Variants in ALDH1L2 observed in about 807,000 individuals in gnomAD.
ALDH1L2 encodes the protein aldehyde dehydrogenase 1 family member L2.
In ALDH1L2, 91 loss-of-function variants were observed where a neutral mutation model predicts 111.0. The ratio of observed to expected loss-of-function variants is 0.82; its 90% confidence interval spans 0.69 to 0.98. The LOEUF is 0.98. ALDH1L2 is among the 50% of genes least tolerant of loss of function. The pLI is 0.00. For missense variants in ALDH1L2, 995 were observed against 1,126.8 expected, an observed-to-expected ratio of 0.88 and a Z score of 1.67; for synonymous variants, 374 against 392.6, an observed-to-expected ratio of 0.95 and a Z score of 0.56.
intron 15 of ALDH1L2, among the ~76,000 whole-genome samples, chr12:105,045,744 A>G (rs544225118): frequency 1.3e-5 from 2 of 152,312 alleles, no homozygotes; most frequent in South Asian, 4.1e-4. Flanking sequence ...TGGCCACATG[A>G]CCATGTAGCT....
chr12:105,055,186 T>C (rs1876537463), intron 10 of ALDH1L2, among the ~76,000 whole-genome samples: 1 of 152,088 alleles, frequency 6.6e-6, no homozygotes, highest in African/African-American at 2.4e-5. Flanking sequence ...TAAGGCAGAA[T>C]TGTAAACTGC....
chr12:105,075,244 G>A (rs570146251), intron 1 of ALDH1L2, among the ~76,000 whole-genome samples: 1 of 152,342 alleles, frequency 6.6e-6, no homozygotes, highest in South Asian at 2.1e-4. Flanking sequence ...CTGGTTATTT[G>A]GAGTTCAATT....
intron 1 of ALDH1L2, among the ~76,000 whole-genome samples, chr12:105,074,505 A>C (rs1353533078): frequency 6.6e-6 from 1 of 151,070 alleles, no homozygotes; most frequent in East Asian, 1.9e-4. Flanking sequence ...GAAAGAAAGA[A>C]AGAGGGTAAT....
intron 18 of ALDH1L2, among the ~76,000 whole-genome samples, chr12:105,036,163 A>AT: frequency 3.5e-5 from 2 of 56,408 alleles, no homozygotes; most frequent in Admixed American, 2.3e-4. Context: ...TGTATATAAT[A>AT]TATACACGTA....
At chr12:105,025,824 C>T (rs1874380863) in intron 22 of ALDH1L2, among the ~76,000 whole-genome samples, 1 of 152,204 alleles carries the variant, frequency 6.6e-6, no homozygotes, top group South Asian at 2.1e-4. Context: ...CAGTGCCTGG[C>T]TCTGTGACTT....
At chr12:105,029,098 C>T (rs1007402652) in intron 21 of ALDH1L2, among the ~76,000 whole-genome samples, 1 of 150,102 alleles carries the variant, frequency 6.7e-6, no homozygotes, top group Admixed American at 6.7e-5. Context: ...ACAATCATAG[C>T]TCACTGCAGC....
At chr12:105,052,677 G>A in intron 11 of ALDH1L2, 135 bp downstream of exon 11, 1 of 1,046,668 alleles carries the variant, frequency 9.6e-7, no homozygotes, top group South Asian at 1.7e-5. Context: ...AGAAAAGCAT[G>A]AAGTACATTT....
intron 6 of ALDH1L2, 116 bp from the exon 7 acceptor site, chr12:105,063,138 A>G: frequency 1.7e-6 from 2 of 1,186,684 alleles, no homozygotes; most frequent in Non-Finnish European, 2.3e-6. Context: ...CTGTAATAAA[A>G]TTGAGACACC....
intron 6 of ALDH1L2, 54 bp from the exon 7 acceptor site, chr12:105,063,076 C>T: frequency 2.5e-6 from 4 of 1,579,886 alleles, no homozygotes; most frequent in Non-Finnish European, 3.4e-6. Flanking sequence ...CTGTTCATAG[C>T]GGTATGTATA....
At chr12:105,063,417 A>G (rs938314693) in intron 6 of ALDH1L2, among the ~76,000 whole-genome samples, 1 of 151,854 alleles carries the variant, frequency 6.6e-6, no homozygotes, top group Non-Finnish European at 1.5e-5. Context: ...CGGAGCTTGC[A>G]GTGAGCCGAG....
intron 21 of ALDH1L2, among the ~76,000 whole-genome samples, chr12:105,028,027 A>C (rs1347896503): frequency 6.6e-6 from 1 of 152,170 alleles, no homozygotes; most frequent in Non-Finnish European, 1.5e-5. Context: ...GTCATAGTGT[A>C]TGTACCTTCT....
At position 105,034,368 on chromosome 12, in the gene ALDH1L2, C is replaced by G; in HGVS notation, c.2176G>C (p.Glu726Gln). 6.2e-7 allele frequency: 1 copy of G among 1,611,500 alleles called. No individual in the cohort carries two copies. Among genetic ancestry groups the G allele is most frequent in the Non-Finnish European group, 8.5e-7 (1 of 1,179,398 alleles). ...AACCGCCCAGCAGCAATACAGTTCT[C>G]TCCTTTGTTGAAAAATACTGCTCCC... ...GMGAVFFNKG[E>Q]NCIAAGRLFV... The change falls in exon 19 of 23, where the codon GAG (glutamate) becomes CAG (glutamine). Residue 726 changes from glutamate (E) to glutamine (Q), a missense_variant. By Grantham distance (29) the Glu-to-Gln change is conservative. Transcript: ENST00000258494.
At chr12:105,028,620 A>C (rs894636136) in intron 21 of ALDH1L2, among the ~76,000 whole-genome samples, 1 of 152,228 alleles carries the variant, frequency 6.6e-6, no homozygotes, top group African/African-American at 2.4e-5. Flanking sequence ...GGACTCTGCT[A>C]AAACTCTCAC....
intron 15 of ALDH1L2, among the ~76,000 whole-genome samples, chr12:105,042,093 A>ACT (rs2136063306): frequency 6.6e-6 from 1 of 152,016 alleles, no homozygotes; most frequent in African/African-American, 2.4e-5. Context: ...ACACACACAC[A>ACT]CGTCTACATG....
chr12:105,046,181 CTCTCTCTCTCTCTATA>C (rs1225262694), intron 15 of ALDH1L2, among the ~76,000 whole-genome samples: 4 of 26,346 alleles, frequency 1.5e-4, no homozygotes, highest in African/African-American at 6.6e-4. Flanking sequence ...CTCTCTCTCT[CTCTCTCTCTCTCTATA>C]TATATATATA....
intron 1 of ALDH1L2, chr12:105,074,310 T>G (rs1256533621): frequency 1.3e-5 from 3 of 236,132 alleles, no homozygotes; most frequent in African/African-American, 2.3e-5. Context: ...ATACAAAAAT[T>G]AGCCAGACGT....
At position 105,035,825 on chromosome 12, in the gene ALDH1L2, C is replaced by CTATA. The variant is rs370890697; in HGVS notation, c.2146-1431_2146-1428dup. 3.5e-4 allele frequency among the ~76,000 whole-genome samples: 22 copies of CTATA among 62,982 alleles called. 1 individual carries two copies. Among genetic ancestry groups the CTATA allele is most frequent in the Non-Finnish European group, 6.4e-4 (22 of 34,196 alleles). 41.3% of individuals were successfully genotyped at this position (62,982 alleles called of 152,430 possible). A position where few individuals can be genotyped will look rare whatever the true frequency, so the allele number is the denominator to read the frequency against. On this transcript the variant is annotated intron_variant, in intron 18 of 22. Transcript: ENST00000258494. ...CCTCCCTGGACTATATATAGTGTGT[C>CTATA]TATATATATATATATGTGTGTGTGT...
At chr12:105,066,416 T>G (rs765624934) in intron 5 of ALDH1L2, 152 bp downstream of exon 5, 1 of 647,432 alleles carries the variant, frequency 1.5e-6, no homozygotes, top group African/African-American at 1.8e-5. Context: ...GGGACTCCCC[T>G]CTCCTGCGTA....
At position 105,070,764 on chromosome 12, in the gene ALDH1L2, A is replaced by T. The variant is rs772462699; in HGVS notation, c.234T>A (p.Leu78=). Residue 78 remains leucine, a synonymous_variant, in exon 3 of 23, where the codon CTT becomes CTA. Coordinates refer to ENST00000258494, the MANE Select transcript of ALDH1L2 (RefSeq NM_001034173.4). ...AEKDGTPVFK[L]PKWRVKGKTI... is the part of the protein sequence containing the mutation. ...TCTTGCCCTTGACCCTCCATTTAGGAAGCTTGAACACAGGGGTCCCATCTT... is the reference window on the plus strand; with the variant it reads ...TCTTGCCCTTGACCCTCCATTTAGGTAGCTTGAACACAGGGGTCCCATCTT... The T allele has an allele frequency of 8.1e-6, 13 of 1,614,136 alleles. No individual in the cohort carries two copies. The Admixed American group carries it at 2.0e-4, about 25-fold the overall frequency.
Sources: gnomAD v4.1 joint callset for allele counts (sites outside exome capture counted in the v4.1 genomes callset) on GRCh38, gnomAD v4.1.1 for gene constraint, MANE v1.5 for transcripts, NCBI Gene and HGNC (gene_info 2026-07-23, HGNC 2026-07-21) for gene names.